Variants in RSPRY1 observed in about 807,000 individuals in gnomAD.
RSPRY1 encodes the protein ring finger and SPRY domain containing 1.
A neutral mutation model predicts 73.1 loss-of-function variants in RSPRY1; 23 were observed. The ratio of observed to expected loss-of-function variants is 0.31; its 90% CI spans 0.23 to 0.45. The LOEUF is 0.45. Ranked by LOEUF, RSPRY1 falls within the 20% of genes least tolerant of loss-of-function variation. RSPRY1 has a pLI of 1.00. For synonymous variants in RSPRY1, 226 were observed against 251.4 expected, an observed-to-expected ratio of 0.90 and a Z score of 0.95; for missense variants, 448 against 698.7, an observed-to-expected ratio of 0.64 and a Z score of 4.05.
chr16:57,219,848 G>A (rs1397746227), intron 8 of RSPRY1: 4 of 152,180 alleles, frequency 2.6e-5, no homozygotes, highest in Non-Finnish European at 4.4e-5. Flanking sequence ...ATGAGAGATA[G>A]GGGTCTAGTT....
intron 1 of RSPRY1, among the ~76,000 whole-genome samples, chr16:57,202,502 T>G (rs1248140188): frequency 6.6e-6 from 1 of 152,254 alleles, no homozygotes; most frequent in Non-Finnish European, 1.5e-5. Context: ...CTCTTAGTTA[T>G]CTACCCTCTA....
intron 1 of RSPRY1, among the ~76,000 whole-genome samples, chr16:57,199,113 G>A (rs544563923): frequency 1.3e-5 from 2 of 152,306 alleles, no homozygotes; most frequent in Admixed American, 1.3e-4. Flanking sequence ...AATGCATGAG[G>A]TAGTTACATA....
At chr16:57,215,856 C>T (rs1401157213) in intron 6 of RSPRY1, among the ~76,000 whole-genome samples, 3 of 152,070 alleles carry the variant, frequency 2.0e-5, no homozygotes. Flanking sequence ...TAACAGGATA[C>T]TTTTGAAATT....
chr16:57,186,338 T>A lies in RSPRY1; in HGVS notation c.-269T>A. 5.0e-6 allele frequency: 1 copy of A among 198,662 alleles called. No homozygotes were observed. The highest frequency in any genetic ancestry group is 9.1e-6 in the Non-Finnish European group (1 of 109,840). 12.3% of individuals were successfully genotyped at this position (198,662 alleles called of 1,614,324 possible). A position where few individuals can be genotyped will look rare whatever the true frequency, so the allele number is the denominator to read the frequency against. Reference sequence around the variant, plus strand: ...ACGAAGCGGGGGTGGGCTCTGCGCGTAATGGCAGCGCCGTGGCCTCGCGTC... The same window carrying A: ...ACGAAGCGGGGGTGGGCTCTGCGCGAAATGGCAGCGCCGTGGCCTCGCGTC... On this transcript the variant is annotated 5_prime_UTR_variant, in exon 1 of 15. Transcript: ENST00000394420.
chr16:57,205,790 A>T (rs1205719579), intron 2 of RSPRY1, among the ~76,000 whole-genome samples: 2 of 152,192 alleles, frequency 1.3e-5, no homozygotes, highest in African/African-American at 4.8e-5. Flanking sequence ...TCATCTGTAA[A>T]TGGGGGGATA....
intron 6 of RSPRY1, among the ~76,000 whole-genome samples, chr16:57,215,397 G>C (rs565450613): frequency 6.6e-6 from 1 of 152,314 alleles, no homozygotes; most frequent in East Asian, 1.9e-4. Flanking sequence ...GAGGTTTCCA[G>C]AACTTAGGAG....
At chr16:57,224,432 ATTCC>A (rs2075089918) in intron 10 of RSPRY1, 5 of 152,214 alleles carry the variant, frequency 3.3e-5, no homozygotes, top group African/African-American at 1.2e-4. Context: ...GACTCAAACT[ATTCC>A]CTGAATGACA....
Position 57,231,240 on chromosome 16 carries a change from A to G in RSPRY1, c.1450A>G (p.Lys484Glu). 2.5e-6 allele frequency: 4 copies of G among 1,613,972 alleles called. No individual in the cohort carries two copies. The highest frequency in any genetic ancestry group is 3.4e-6 in the Non-Finnish European group (4 of 1,179,926). ...CEFNFGAKPFKYPPSMKFSTF... is the reference protein window; with the variant it reads ...CEFNFGAKPFEYPPSMKFSTF... ...GTTCAATTTTGGAGCAAAACCATTC[A>G]AATACCCACCATCTATGAAATTTAG... The change falls in exon 13 of 15, where the codon AAA (lysine) becomes GAA (glutamate). Residue 484 changes from lysine to glutamate, a missense_variant. Transcript: ENST00000394420.
chr16:57,231,905 A>G (rs1039895460), intron 13 of RSPRY1, among the ~76,000 whole-genome samples: 10 of 152,252 alleles, frequency 6.6e-5, no homozygotes, highest in African/African-American at 2.4e-4. Context: ...TGTGATTGGC[A>G]TTAATTTATC....
intron 1 of RSPRY1, among the ~76,000 whole-genome samples, chr16:57,187,330 A>T (rs2074241620): frequency 6.6e-6 from 1 of 152,044 alleles, no homozygotes; most frequent in Non-Finnish European, 1.5e-5. Context: ...AGGGAAACCG[A>T]CTGAGACCGA....
intron 1 of RSPRY1, 152 bp downstream of exon 1, chr16:57,186,603 G>A (rs1246950910): frequency 6.5e-6 from 1 of 152,978 alleles, no homozygotes; most frequent in African/African-American, 2.4e-5. Flanking sequence ...CTCTGGAAAG[G>A]GCCCGGGAGA....
intron 13 of RSPRY1, among the ~76,000 whole-genome samples, chr16:57,233,654 G>A (rs1597933000): frequency 6.6e-6 from 1 of 152,198 alleles, no homozygotes; most frequent in East Asian, 1.9e-4. Context: ...ACAGGCGTGA[G>A]CCACTGTGCC....
rs1323822285 is a variant in RSPRY1, at chr16:57,209,068, C to T, written c.404-7C>T. On this transcript the variant is annotated splice_polypyrimidine_tract_variant and splice_region_variant and intron_variant, in intron 3 of 14. Transcript: ENST00000394420. The stretch of plus-strand genomic sequence containing the variant: ...TCCATCATATAATCTTCTTGATTTG[C>T]TCTTAGATGAAGGATGGTTGGATGT... 2 of 1,571,182 alleles carry T rather than the reference C, an allele frequency of 1.3e-6. No individual in the cohort carries two copies. Among genetic ancestry groups the T allele is most frequent in the Middle Eastern group, 1.7e-4 (1 of 6,000 alleles).
chr16:57,225,262 T>C (rs919865788), intron 10 of RSPRY1, among the ~76,000 whole-genome samples: 15 of 152,362 alleles, frequency 9.8e-5, no homozygotes, highest in African/African-American at 3.6e-4. Flanking sequence ...GGTTTCGCCA[T>C]GTTGGCCAGG....
chr16:57,239,466 A>G lies in RSPRY1; in HGVS notation c.*491A>G, dbSNP rs2075347943. ...ATTGCATTGCAAGACTTGAATCTAT[A>G]AAAATTAGAATCACACAGTCAGTAC... is the stretch of plus-strand genomic sequence containing the variant. On this transcript the variant is annotated 3_prime_UTR_variant, in exon 15 of 15. Coordinates refer to ENST00000394420, the MANE Select transcript of RSPRY1 (RefSeq NM_133368.3). 6.6e-6 allele frequency: 1 copy of G among 152,254 alleles called. No homozygotes were observed. The highest frequency in any genetic ancestry group is 2.1e-4 in the South Asian group (1 of 4,834). 9.4% of individuals were successfully genotyped at this position (152,254 alleles called of 1,614,324 possible).
intron 1 of RSPRY1, 109 bp from the exon 2 acceptor site, chr16:57,204,395 A>G (rs2074684532): frequency 2.6e-6 from 1 of 388,346 alleles, no homozygotes; most frequent in Non-Finnish European, 4.7e-6. Context: ...ATAACCAAAG[A>G]TAATTCTTCA....
At chr16:57,221,482 G>T in intron 10 of RSPRY1, 67 bp downstream of exon 10, 1 of 1,481,084 alleles carries the variant, frequency 6.8e-7, no homozygotes, top group Non-Finnish European at 9.2e-7. Context: ...TAGTTGGTGG[G>T]TGGAAAATAC....
intron 8 of RSPRY1, among the ~76,000 whole-genome samples, chr16:57,218,329 G>GT (rs2074973571): frequency 6.6e-6 from 1 of 152,060 alleles, no homozygotes; most frequent in Admixed American, 6.6e-5. Context: ...CTCTTTTGGT[G>GT]TTTTAAAATT....
chr16:57,215,013 G>A (rs1016551917), intron 6 of RSPRY1, among the ~76,000 whole-genome samples: 1 of 151,822 alleles, frequency 6.6e-6, no homozygotes, highest in East Asian at 1.9e-4. Context: ...GGGCGACAGA[G>A]CGAGACTCCA....
Sources: allele counts gnomAD v4.1 joint callset (sites outside exome capture counted in the v4.1 genomes callset), GRCh38; gene constraint gnomAD v4.1.1; transcripts MANE v1.5; gene names NCBI Gene and HGNC (gene_info 2026-07-23, HGNC 2026-07-21).